The following SOX5 variants were observed in gnomAD, a reference collection of about 807,000 sequenced individuals.
The protein encoded by SOX5 is SRY-box transcription factor 5.
A neutral mutation model predicts 92.0 loss-of-function variants in SOX5; 9 were observed. That is an observed-to-expected ratio of 0.10 (90% CI 0.06 to 0.17). The LOEUF (loss-of-function observed/expected upper bound fraction) is 0.17. SOX5 is among the 10% of genes least tolerant of loss of function. The probability of loss-of-function intolerance (pLI) is 1.00; values close to 1 mark genes in which losing one functional copy is unlikely to be tolerated. For synonymous variants in SOX5, 344 were observed against 336.3 expected (o/e 1.02, Z -0.25); for missense variants, 642 against 944.5 (o/e 0.68, Z 4.20).
chr12:24,335,680 C>T (rs1009043784), intron 2 of SOX5, among the ~76,000 whole-genome samples: 1 of 151,928 alleles, frequency 6.6e-6, no homozygotes, highest in East Asian at 1.9e-4. Context: ...GTGTGAGAGG[C>T]TTATCTGTTT....
intron 3 of SOX5, among the ~76,000 whole-genome samples, chr12:24,222,622 G>A (rs1026127138): frequency 3.9e-5 from 6 of 152,078 alleles, no homozygotes; most frequent in East Asian, 1.9e-4. Flanking sequence ...CAAGAATTTC[G>A]CAAAATGAGG....
At chr12:23,913,539 C>A (rs954658139) in intron 1 of SOX5, among the ~76,000 whole-genome samples, 2 of 151,804 alleles carry the variant, frequency 1.3e-5, no homozygotes, top group African/African-American at 4.8e-5. Flanking sequence ...AGTTCGAGAC[C>A]AGCCTGGCCA....
At chr12:23,535,582 T>C (rs1473253508) in intron 14 of SOX5, among the ~76,000 whole-genome samples, 1 of 152,224 alleles carries the variant, frequency 6.6e-6, no homozygotes, top group East Asian at 1.9e-4. Context: ...ATTCGTATGT[T>C]TACTATTTGC....
intron 2 of SOX5, among the ~76,000 whole-genome samples, chr12:24,364,839 T>A (rs1028932622): frequency 6.6e-6 from 1 of 151,888 alleles, no homozygotes; most frequent in Non-Finnish European, 1.5e-5. Flanking sequence ...TGATCAGAAA[T>A]CCATGAACGT....
intron 2 of SOX5, among the ~76,000 whole-genome samples, chr12:24,321,906 A>C (rs1460699381): frequency 6.6e-6 from 1 of 152,148 alleles, no homozygotes; most frequent in Non-Finnish European, 1.5e-5. Flanking sequence ...TCCAAACTGG[A>C]AGTCTCAATT....
chr12:24,111,334 T>C (rs960608101), intron 4 of SOX5, among the ~76,000 whole-genome samples: 3 of 152,182 alleles, frequency 2.0e-5, no homozygotes, highest in African/African-American at 7.2e-5. Context: ...CTTCAAGGAA[T>C]GAAGAATTTA....
At chr12:24,147,463 G>C (rs932483599) in intron 4 of SOX5, among the ~76,000 whole-genome samples, 5 of 152,120 alleles carry the variant, frequency 3.3e-5, no homozygotes, top group Non-Finnish European at 7.4e-5. Context: ...AAACTTACAG[G>C]TAGCACACTA....
intron 1 of SOX5, among the ~76,000 whole-genome samples, chr12:24,439,223 GTTCT>G (rs1015786816): frequency 2.4e-4 from 36 of 152,182 alleles, no homozygotes; most frequent in African/African-American, 8.2e-4. Context: ...AGGTATGTAC[GTTCT>G]TTATTTGGAC....
intron 4 of SOX5, among the ~76,000 whole-genome samples, chr12:24,150,958 A>C (rs1422386675): frequency 6.6e-6 from 1 of 152,280 alleles, no homozygotes; most frequent in Non-Finnish European, 1.5e-5. Context: ...ACAGGAGATA[A>C]ATTTAAAAAC....
At position 23,738,796 on chromosome 12, in the gene SOX5, T is replaced by C. The variant is rs74069175; in HGVS notation, c.741+2071A>G. ...GCTCCTAGGATTCTCCAGAATTCAGTTGACTGAAAGATTGAGAGTTAAGGA... is the reference window on the plus strand; with the variant it reads ...GCTCCTAGGATTCTCCAGAATTCAGCTGACTGAAAGATTGAGAGTTAAGGA... On this transcript the variant is annotated intron_variant, in intron 5 of 14. Transcript: ENST00000451604. Among the ~76,000 whole-genome samples, 263 of 152,220 alleles carry C rather than the reference T, an allele frequency of 1.7e-3. 1 individual carries two copies. The highest frequency in any genetic ancestry group is 6.8e-3 in the Middle Eastern group (2 of 294).
intron 3 of SOX5, among the ~76,000 whole-genome samples, chr12:23,812,517 T>C (rs966306941): frequency 2.0e-5 from 3 of 152,062 alleles, no homozygotes; most frequent in Non-Finnish European, 2.9e-5. Context: ...GGACAATCTG[T>C]TATATGGTAT....
intron 2 of SOX5, among the ~76,000 whole-genome samples, chr12:24,314,580 G>A (rs1949527624): frequency 6.6e-6 from 1 of 151,712 alleles, no homozygotes; most frequent in South Asian, 2.1e-4. Context: ...AATTATAACA[G>A]TTCTCTCTGC....
At chr12:24,450,825 ACT>A (rs1294481848) in intron 1 of SOX5, among the ~76,000 whole-genome samples, 10 of 152,022 alleles carry the variant, frequency 6.6e-5, no homozygotes, top group Non-Finnish European at 8.8e-5. Context: ...ATCCAATTAT[ACT>A]CTTTTAGTTG....
At chr12:24,198,176 T>C (rs527250279) in intron 4 of SOX5, among the ~76,000 whole-genome samples, 2 of 151,778 alleles carry the variant, frequency 1.3e-5, no homozygotes, top group Non-Finnish European at 2.9e-5. Flanking sequence ...GCATGTGGTA[T>C]GCAGGGAACA....
chr12:24,461,687 G>A (rs925583264), intron 1 of SOX5, among the ~76,000 whole-genome samples: 1 of 152,052 alleles, frequency 6.6e-6, no homozygotes, highest in Non-Finnish European at 1.5e-5. Context: ...TGTAATAATA[G>A]TAATAAAACC....
chr12:23,958,736 A>T (rs1310344414), intron 4 of SOX5, among the ~76,000 whole-genome samples: 1 of 151,618 alleles, frequency 6.6e-6, no homozygotes, highest in African/African-American at 2.4e-5. Context: ...AGTAAAAAAA[A>T]AAAGATATCA....
chr12:24,147,312 T>C (rs557228856), intron 4 of SOX5, among the ~76,000 whole-genome samples: 15 of 152,296 alleles, frequency 9.8e-5, no homozygotes, highest in African/African-American at 3.1e-4. Context: ...TGTAATTATA[T>C]TACCAAACTA....
Position 24,219,233 on chromosome 12 carries a change from G to A in SOX5, c.-76-5816C>T, listed in dbSNP as rs75131971. 4.4e-3 allele frequency among the ~76,000 whole-genome samples: 667 copies of A among 152,104 alleles called. 1 individual carries two copies. The highest frequency in any genetic ancestry group is 7.8e-3 in the Non-Finnish European group (531 of 67,900). On this transcript the variant is annotated intron_variant, in intron 3 of 4. Transcript: ENST00000446891. ...ACAGTTAGAAAGAATAAGATCTAGT[G>A]TTTGGTAGCACAATAGGGTGACTAC... is the stretch of plus-strand genomic sequence containing the variant.
intron 2 of SOX5, among the ~76,000 whole-genome samples, chr12:24,328,661 G>T (rs1275111873): frequency 6.6e-6 from 1 of 152,146 alleles, no homozygotes; most frequent in Non-Finnish European, 1.5e-5. Context: ...CCCTTGTCAG[G>T]ATACAGCAAA....
Sources: gnomAD v4.1 joint callset for allele counts (sites outside exome capture counted in the v4.1 genomes callset) on GRCh38, gnomAD v4.1.1 for gene constraint, MANE v1.5 for transcripts, NCBI Gene and HGNC (gene_info 2026-07-23, HGNC 2026-07-21) for gene names.